The following NOM1 variants were observed in gnomAD, a reference collection of about 807,000 sequenced individuals.
NOM1 encodes the protein nucleolar protein with MIF4G domain 1, also known as nucleolar MIF4G domain-containing protein 1.
Under a neutral mutation model 73.3 loss-of-function variants are expected in NOM1, and 58 were observed. That is an observed-to-expected ratio of 0.79 (90% CI 0.64 to 0.99). The LOEUF (loss-of-function observed/expected upper bound fraction) is 0.99, where lower values mean the gene tolerates loss of function less well. NOM1 is among the 50% of genes least tolerant of loss of function. The pLI, the probability that NOM1 is intolerant of heterozygous loss-of-function variation, is 0.00. For missense variants in NOM1, 1,226 were observed against 1,131.9 expected, an observed-to-expected ratio of 1.08 and a Z score of -1.19; for synonymous variants, 487 against 446.8, an observed-to-expected ratio of 1.09 and a Z score of -1.14.
chr7:156,969,596 C>G lies in NOM1; in HGVS notation c.2476C>G (p.Leu826Val), dbSNP rs777886502. Residue 826 changes from leucine (L) to valine (V), a missense_variant, in exon 11 of 11, where the codon CTA becomes GTA. Physicochemically the swap from Leu to Val is conservative, Grantham distance 32. Coordinates refer to ENST00000275820, the MANE Select transcript of NOM1 (RefSeq NM_138400.2). Reference sequence around the variant, plus strand: ...GAAGCTTTTCATCAGCCACTTCTTGCTAAAGAACGCACAGGCCCACAGAAG... The same window carrying G: ...GAAGCTTTTCATCAGCCACTTCTTGGTAAAGAACGCACAGGCCCACAGAAG... ...GLKLFISHFL[L>V]KNAQAHRSAD... is the part of the protein sequence containing the mutation. The G allele has an allele frequency of 1.9e-6, 3 of 1,614,050 alleles. No individual in the cohort carries two copies. Among genetic ancestry groups the G allele is most frequent in the Admixed American group, 1.7e-5 (1 of 60,012 alleles).
intron 9 of NOM1, 24 bp downstream of exon 9, chr7:156,967,116 T>C: frequency 6.2e-7 from 1 of 1,607,020 alleles, no homozygotes; most frequent in Non-Finnish European, 8.5e-7. Context: ...GTGAAAATAT[T>C]GAAAGCAATG....
chr7:156,965,714 G>A (rs985261435), intron 7 of NOM1, among the ~76,000 whole-genome samples: 4 of 152,164 alleles, frequency 2.6e-5, no homozygotes, highest in Non-Finnish European at 4.4e-5. Flanking sequence ...TCAGGAGTTC[G>A]AGAGCAGCCT....
chr7:156,959,528 C>T (rs900005662), intron 3 of NOM1, among the ~76,000 whole-genome samples: 5 of 152,182 alleles, frequency 3.3e-5, no homozygotes, highest in African/African-American at 9.7e-5. Context: ...AGGTGTGAGC[C>T]ACCGCACCTG....
intron 8 of NOM1, 113 bp downstream of exon 8, chr7:156,966,515 C>G (rs1263090663): frequency 4.8e-6 from 6 of 1,263,128 alleles, no homozygotes; most frequent in Non-Finnish European, 6.7e-6. Context: ...CCCTGATATC[C>G]CCGTCACCTG....
At chr7:156,957,795 A>AAAAAAG (rs1563681006) in intron 3 of NOM1, among the ~76,000 whole-genome samples, 2 of 147,772 alleles carry the variant, frequency 1.4e-5, no homozygotes, top group African/African-American at 5.0e-5. Flanking sequence ...AAAAAAAAAA[A>AAAAAAG]AAAAAGAAAA....
chr7:156,959,256 C>T (rs1804802861), intron 3 of NOM1, among the ~76,000 whole-genome samples: 1 of 149,838 alleles, frequency 6.7e-6, no homozygotes, highest in South Asian at 2.2e-4. Context: ...GCATATGCCA[C>T]CACGCCCGGC....
chr7:156,951,041 C>T (rs886395569), intron 1 of NOM1, among the ~76,000 whole-genome samples: 2 of 152,186 alleles, frequency 1.3e-5, no homozygotes, highest in Non-Finnish European at 2.9e-5. Context: ...TCTGTTAAGG[C>T]CTCTTTCGAG....
intron 3 of NOM1, among the ~76,000 whole-genome samples, chr7:156,957,774 C>CAAAAAAAAAAAAAAAAAA (rs10549596): frequency 1.7e-5 from 2 of 115,542 alleles, no homozygotes; most frequent in African/African-American, 3.3e-5. Flanking sequence ...GACTCCGTCT[C>CAAAAAAAAAAAAAAAAAA]AAAAAAAAAA....
rs1312290401 is a variant in NOM1 at position 156,950,388 on chromosome 7, CTA to C, written c.655_656del (p.Ile219SerfsTer10). The C allele has an allele frequency of 1.2e-6, 2 of 1,614,210 alleles. No homozygotes were observed. The highest frequency in any genetic ancestry group is 1.7e-5 in the Admixed American group (1 of 60,028). On this transcript the variant is annotated frameshift_variant, in exon 1 of 11. Transcript: ENST00000275820. LOFTEE classifies it high-confidence loss of function. ...TGAGCTTTGCACGCGACGGTCTTGACTATATTCTGGGAGCCCTGGAGTCTGGG... is the reference window on the plus strand; with the variant it reads ...TGAGCTTTGCACGCGACGGTCTTGACTATTCTGGGAGCCCTGGAGTCTGGG... Reference protein sequence around the residue: ...PLSFARDGLDYILGALESGKN... With the variant: ...PLSFARDGLDXILGALESGKN...
At chr7:156,953,986 A>C in intron 2 of NOM1, 117 bp from the exon 3 acceptor site, 1 of 787,362 alleles carries the variant, frequency 1.3e-6, no homozygotes, top group South Asian at 1.8e-5. Context: ...AGGGGTCAAA[A>C]GTGTACATAA....
At chr7:156,956,475 C>T (rs1431419106) in intron 3 of NOM1, among the ~76,000 whole-genome samples, 1 of 152,212 alleles carries the variant, frequency 6.6e-6, no homozygotes, top group Non-Finnish European at 1.5e-5. Context: ...AGGAGATTTT[C>T]GTGTTTTAAT....
chr7:156,959,716 T>C, intron 3 of NOM1, 135 bp from the exon 4 acceptor site: 1 of 822,048 alleles, frequency 1.2e-6, no homozygotes, highest in South Asian at 1.7e-5. Flanking sequence ...CTGCTCTGGG[T>C]TGCCGAGGGA....
intron 6 of NOM1, 100 bp downstream of exon 6, chr7:156,963,275 G>A: frequency 8.0e-7 from 1 of 1,256,778 alleles, no homozygotes; most frequent in Non-Finnish European, 1.1e-6. Context: ...GTTCTTGAAT[G>A]GTCACTGAAA....
At position 156,969,646 on chromosome 7, in the gene NOM1, A is replaced by G. The variant is rs116600558; in HGVS notation, c.2526A>G (p.Arg842=). The G allele has an allele frequency of 1.2e-3, 1,905 of 1,613,708 alleles. 19 individuals are homozygous for G. In the African/African-American group the frequency reaches 0.02, roughly 17 times the overall value. ...HRSADEANVL[R]EKADLATKCL... The stretch of plus-strand genomic sequence containing the variant: ...GCGCCGACGAAGCCAACGTGCTGAG[A>G]GAGAAAGCTGACCTTGCAACGAAGT... The change falls in exon 11 of 11, where the codon AGA becomes AGG. Residue 842 remains arginine, a synonymous_variant. Transcript: ENST00000275820.
At chr7:156,957,358 A>G (rs1804748631) in intron 3 of NOM1, among the ~76,000 whole-genome samples, 1 of 152,238 alleles carries the variant, frequency 6.6e-6, no homozygotes, top group Non-Finnish European at 1.5e-5. Context: ...GATGTGCTTG[A>G]ATAACTTTAC....
rs114264548 is a variant in NOM1, at chr7:156,950,379, C to T, written c.642C>T (p.Asp214=). The change falls in exon 1 of 11, where the codon GAC becomes GAT. Residue 214 remains aspartate, a synonymous_variant. Transcript: ENST00000275820. Reference sequence around the variant, plus strand: ...CCGTGCCGCTGAGCTTTGCACGCGACGGTCTTGACTATATTCTGGGAGCCC... The same window carrying T: ...CCGTGCCGCTGAGCTTTGCACGCGATGGTCTTGACTATATTCTGGGAGCCC... ...SSSVPLSFAR[D]GLDYILGALE... The T allele has an allele frequency of 5.7e-4, 922 of 1,614,218 alleles. 3 individuals carry two copies. The African/African-American group carries it at 0.01, about 18-fold the overall frequency.
rs1002401852 is a variant in NOM1, at chr7:156,970,372, T to A, written c.*669T>A. 3 of 152,206 alleles carry A rather than the reference T, an allele frequency of 2.0e-5. No individual in the cohort carries two copies. Among genetic ancestry groups the A allele is most frequent in the African/African-American group, 4.8e-5 (2 of 41,446 alleles). 9.4% of individuals were successfully genotyped at this position (152,206 alleles called of 1,614,324 possible). A position where few individuals can be genotyped will look rare whatever the true frequency, so the allele number is the denominator to read the frequency against. On this transcript the variant is annotated 3_prime_UTR_variant, in exon 11 of 11. Transcript: ENST00000275820. ...GAAATTGATGAGGTTTTTACCTTTT[T>A]AAAATATTGGTTAGAAGTTCAAAAA...
At position 156,971,851 on chromosome 7, in the gene NOM1, C is replaced by G. The variant is rs1805148192; in HGVS notation, c.*2148C>G. 1 of 152,236 alleles carries G rather than the reference C, an allele frequency of 6.6e-6. No homozygotes were observed. The highest frequency in any genetic ancestry group is 1.5e-5 in the Non-Finnish European group (1 of 68,038). 9.4% of individuals were successfully genotyped at this position (152,236 alleles called of 1,614,324 possible). Reference sequence around the variant, plus strand: ...CCCTGCATTCAGCAACATCATTCGACCCGAAGCCAGATTCAAACCCTATGT... The same window carrying G: ...CCCTGCATTCAGCAACATCATTCGAGCCGAAGCCAGATTCAAACCCTATGT... On this transcript the variant is annotated 3_prime_UTR_variant, in exon 11 of 11. Transcript: ENST00000275820.
intron 2 of NOM1, 74 bp from the exon 3 acceptor site, chr7:156,954,027 CTT>C (rs1218205871): frequency 7.6e-6 from 10 of 1,310,740 alleles, no homozygotes; most frequent in Non-Finnish European, 1.1e-5. Flanking sequence ...ATGGATAACT[CTT>C]TAATTTTTTA....
Sources: gnomAD v4.1 joint callset for allele counts (sites outside exome capture counted in the v4.1 genomes callset) on GRCh38, gnomAD v4.1.1 for gene constraint, MANE v1.5 for transcripts, NCBI Gene and HGNC (gene_info 2026-07-23, HGNC 2026-07-21) for gene names.